Variants in SLC37A3 observed in about 807,000 individuals in gnomAD.
SLC37A3 encodes sugar phosphate exchanger 3.
SLC37A3 carries 51 observed loss-of-function variants against 67.1 expected under a neutral mutation model. The ratio of observed to expected loss-of-function variants is 0.76; its 90% CI spans 0.61 to 0.96. The LOEUF (loss-of-function observed/expected upper bound fraction) is 0.96, where lower values mean the gene tolerates loss of function less well. SLC37A3 is among the 40% of genes least tolerant of loss of function. SLC37A3 has a pLI of 0.00. For synonymous variants in SLC37A3, 214 were observed against 231.4 expected (o/e 0.92, Z 0.68); for missense variants, 508 against 603.0 (o/e 0.84, Z 1.65).
At chr7:140,337,259 T>C (rs1042906555) in intron 14 of SLC37A3, 25 bp downstream of exon 14, 2 of 1,537,974 alleles carry the variant, frequency 1.3e-6, no homozygotes, top group African/African-American at 1.4e-5. Context: ...ATGACTTTTT[T>C]TTTTTTAAAG....
intron 4 of SLC37A3, among the ~76,000 whole-genome samples, chr7:140,367,477 T>C (rs1262056491): frequency 6.6e-6 from 1 of 152,026 alleles, no homozygotes; most frequent in Non-Finnish European, 1.5e-5. Context: ...TAAATAAAAA[T>C]AACTAACCAA....
intron 14 of SLC37A3, 108 bp downstream of exon 14, chr7:140,337,176 G>T: frequency 3.2e-6 from 2 of 627,564 alleles, no homozygotes; most frequent in South Asian, 3.2e-5. Context: ...TTTTCACAAA[G>T]GAGCCTTTAA....
At chr7:140,389,327 G>C (rs534304889) in intron 1 of SLC37A3, among the ~76,000 whole-genome samples, 2 of 151,988 alleles carry the variant, frequency 1.3e-5, no homozygotes, top group Non-Finnish European at 2.9e-5. Flanking sequence ...CCCTGCACTC[G>C]ATAGATCAGC....
chr7:140,351,143 T>C (rs778234685), intron 9 of SLC37A3, 130 bp downstream of exon 9: 33 of 888,536 alleles, frequency 3.7e-5, no homozygotes, highest in Non-Finnish European at 5.5e-5. Context: ...ACAACATTCC[T>C]CAGCACGTAT....
At chr7:140,397,754 A>G (rs12539339) in intron 1 of SLC37A3, among the ~76,000 whole-genome samples, 23,605 of 152,032 alleles carry the variant, frequency 0.16, 2,283 homozygotes, top group South Asian at 0.32. Flanking sequence ...CCTATAAACT[A>G]TAAACTTTTC....
intron 3 of SLC37A3, among the ~76,000 whole-genome samples, chr7:140,377,443 C>T (rs1585345853): frequency 6.6e-6 from 1 of 152,108 alleles, no homozygotes; most frequent in Admixed American, 6.6e-5. Flanking sequence ...AAGAACTGTA[C>T]AAATTTTTAT....
Position 140,345,984 on chromosome 7 carries a change from G to T in SLC37A3, c.1025-14C>A, listed in dbSNP as rs756445175. The T allele has an allele frequency of 2.2e-5, 35 of 1,596,634 alleles. No individual in the cohort carries two copies. The highest frequency in any genetic ancestry group is 3.0e-5 in the Non-Finnish European group (35 of 1,164,540). On this transcript the variant is annotated splice_polypyrimidine_tract_variant and intron_variant, in intron 10 of 14. Coordinates refer to ENST00000326232, the MANE Select transcript of SLC37A3 (RefSeq NM_207113.3). ...GCAAAGTTCCACCTTCAAGCAGAGT[G>T]TCGAGCAATCAAAATCACTTCTAAT...
At chr7:140,371,461 C>T (rs963749135) in intron 3 of SLC37A3, among the ~76,000 whole-genome samples, 5 of 152,050 alleles carry the variant, frequency 3.3e-5, no homozygotes, top group African/African-American at 1.2e-4. Context: ...CGTGAGCCAC[C>T]GTGCCCGACC....
intron 13 of SLC37A3, among the ~76,000 whole-genome samples, chr7:140,338,359 C>T (rs534574656): frequency 1.3e-5 from 2 of 152,308 alleles, no homozygotes; most frequent in African/African-American, 4.8e-5. Context: ...CTTTCTGGTT[C>T]CATGAACTGG....
chr7:140,341,844 G>A (rs1249587102), intron 13 of SLC37A3, among the ~76,000 whole-genome samples: 2 of 152,202 alleles, frequency 1.3e-5, no homozygotes, highest in African/African-American at 4.8e-5. Context: ...AGAAAAGGAT[G>A]CCCAATGCAG....
Position 140,345,986 on chromosome 7 carries a change from C to T in SLC37A3, c.1025-16G>A, listed in dbSNP as rs780287898. On this transcript the variant is annotated splice_polypyrimidine_tract_variant and intron_variant, in intron 10 of 14. Transcript: ENST00000326232. ...AAAGTTCCACCTTCAAGCAGAGTGT[C>T]GAGCAATCAAAATCACTTCTAATTT... The T allele has an allele frequency of 4.4e-6, 7 of 1,595,696 alleles. No individual in the cohort carries two copies. The highest frequency in any genetic ancestry group is 1.7e-5 in the Admixed American group (1 of 59,966).
rs534388717 is a variant in SLC37A3 at position 140,380,399 on chromosome 7, T to C, written c.90-9A>G. On this transcript the variant is annotated splice_polypyrimidine_tract_variant and intron_variant, in intron 2 of 14. Transcript: ENST00000326232. ...CATGGAGCAACGAATAACTACAAAA[T>C]AGAGAGAATACAGATGAATGAATAG... 1.3e-6 allele frequency: 2 copies of C among 1,579,384 alleles called. No individual in the cohort carries two copies. The highest frequency in any genetic ancestry group is 2.2e-5 in the East Asian group (1 of 44,652).
rs115617434 is a variant in SLC37A3 at position 140,334,798 on chromosome 7, G to C, written c.*614C>G. ...ATTCATGCTTCTAGGGCTGAATGAC[G>C]TTTAGATCAGACACAGAGTGACTGA... On this transcript the variant is annotated 3_prime_UTR_variant, in exon 15 of 15. Transcript: ENST00000326232. The C allele has an allele frequency of 6.0e-6, 1 of 166,276 alleles. No homozygotes were observed. Among genetic ancestry groups the C allele is most frequent in the Non-Finnish European group, 1.3e-5 (1 of 75,490 alleles). 10.3% of individuals were successfully genotyped at this position (166,276 alleles called of 1,614,324 possible).
At chr7:140,354,263 T>G (rs1796932926) in intron 7 of SLC37A3, among the ~76,000 whole-genome samples, 1 of 152,246 alleles carries the variant, frequency 6.6e-6, no homozygotes, top group African/African-American at 2.4e-5. Context: ...GTGGAACTAC[T>G]CAGTGTGCGT....
chr7:140,353,907 T>A lies in SLC37A3; in HGVS notation c.618+1761A>T, dbSNP rs868786871. 3.3e-5 allele frequency among the ~76,000 whole-genome samples: 5 copies of A among 152,258 alleles called. No homozygotes were observed. The Middle Eastern group carries it at 0.017, about 518-fold the overall frequency. ...TTGTATTTTTAGTAGAGACAGGGTT[T>A]CATCATGTTGGCCAGGCTGGTCTTG... On this transcript the variant is annotated intron_variant, in intron 7 of 14. Transcript: ENST00000326232.
At chr7:140,345,995 A>G in intron 10 of SLC37A3, 25 bp from the exon 11 acceptor site, 1 of 1,566,056 alleles carries the variant, frequency 6.4e-7, no homozygotes, top group African/African-American at 1.4e-5. Context: ...TCGAGCAATC[A>G]AAATCACTTC....
At chr7:140,379,894 TA>T (rs34577025) in intron 3 of SLC37A3, 5,737 of 138,534 alleles carry the variant, frequency 0.041, 124 homozygotes, top group South Asian at 0.083. Flanking sequence ...ATACTCTGTT[TA>T]AAAAAAAAAA....
At chr7:140,362,423 G>C (rs1210425317) in intron 5 of SLC37A3, among the ~76,000 whole-genome samples, 2 of 146,366 alleles carry the variant, frequency 1.4e-5, no homozygotes, top group African/African-American at 2.5e-5. Flanking sequence ...GGAGGTGGGG[G>C]GGGGGGTCAG....
At chr7:140,354,918 G>GT (rs1476663059) in intron 7 of SLC37A3, among the ~76,000 whole-genome samples, 1 of 151,662 alleles carries the variant, frequency 6.6e-6, no homozygotes, top group Non-Finnish European at 1.5e-5. Context: ...TAATTTTTTA[G>GT]TTTTTTTGTA....
Sources: allele counts gnomAD v4.1 joint callset (sites outside exome capture counted in the v4.1 genomes callset), GRCh38; gene constraint gnomAD v4.1.1; transcripts MANE v1.5; gene names NCBI Gene and HGNC (gene_info 2026-07-23, HGNC 2026-07-21).